Variants in NIPBL observed in about 807,000 individuals in gnomAD.
NIPBL encodes the protein NIPBL cohesin loading factor, also known as nipped-B-like protein.
NIPBL carries 19 observed loss-of-function variants against 321.8 expected under a neutral mutation model. That is an observed-to-expected ratio of 0.06 (90% CI 0.04 to 0.09). NIPBL has a LOEUF of 0.09. Among genes scored for constraint, NIPBL ranks in the 10% least tolerant of loss-of-function variants. The pLI is 1.00. For synonymous variants in NIPBL, 1,106 were observed against 1,114.1 expected (o/e 0.99, Z 0.14); for missense variants, 2,210 against 3,327.0 (o/e 0.66, Z 8.26).
chr5:36,974,820 TA>T (rs892176751), intron 8 of NIPBL, among the ~76,000 whole-genome samples: 7 of 152,102 alleles, frequency 4.6e-5, no homozygotes, highest in South Asian at 2.1e-4. Context: ...GTTCTGTCTG[TA>T]AAAAAACTTT....
chr5:37,046,368 C>T (rs1428982163), intron 38 of NIPBL, among the ~76,000 whole-genome samples, 169 bp downstream of exon 38: 2 of 152,172 alleles, frequency 1.3e-5, no homozygotes, highest in East Asian at 1.9e-4. Flanking sequence ...GCATTCTTGT[C>T]ATGGCCATTG....
chr5:36,930,595 A>G (rs997789144), intron 1 of NIPBL, among the ~76,000 whole-genome samples: 4 of 152,092 alleles, frequency 2.6e-5, no homozygotes, highest in Non-Finnish European at 5.9e-5. Context: ...GTACTAACTA[A>G]AACCTACAGG....
Position 37,000,386 on chromosome 5 carries a change from A to G in NIPBL, c.3318A>G (p.Arg1106=), listed in dbSNP as rs1240297882. The part of the protein sequence containing the change: ...SDEAFESSRK[R]HKKDDDKAWE... ...ATTTGCTTCTAGCCTCTAGGAAACG[A>G]CATAAAAAAGATGATGATAAAGCTT... is the stretch of plus-strand genomic sequence containing the variant. Residue 1106 remains arginine (R), a synonymous_variant, in exon 12 of 47, where the codon CGA becomes CGG. Transcript: ENST00000282516. 1.6e-5 allele frequency: 25 copies of G among 1,612,840 alleles called. No homozygotes were observed. The highest frequency in any genetic ancestry group is 2.0e-5 in the Non-Finnish European group (24 of 1,179,184).
intron 27 of NIPBL, 70 bp downstream of exon 27, chr5:37,020,947 A>G: frequency 2.0e-6 from 2 of 1,021,406 alleles, no homozygotes; most frequent in South Asian, 2.5e-5. Flanking sequence ...TGAGCAGTAT[A>G]TAATATCATT....
At chr5:37,033,730 A>T (rs11749373) in intron 32 of NIPBL, among the ~76,000 whole-genome samples, 2,154 of 21,478 alleles carry the variant, frequency 0.1, 241 homozygotes, top group East Asian at 0.12. Flanking sequence ...ATATATATAT[A>T]TTTTTTTTTT....
intron 1 of NIPBL, among the ~76,000 whole-genome samples, chr5:36,931,337 A>G (rs545921334): frequency 1.3e-3 from 190 of 151,770 alleles, no homozygotes; most frequent in Non-Finnish European, 2.1e-3. Context: ...TATTTTTTTG[A>G]AAAGGAGTCT....
chr5:37,041,143 T>A (rs1005538211), intron 34 of NIPBL, among the ~76,000 whole-genome samples: 1 of 151,792 alleles, frequency 6.6e-6, no homozygotes, highest in African/African-American at 2.4e-5. Flanking sequence ...GTTTCCATCT[T>A]TCTTTAAATT....
In NIPBL at chr5:36,985,683, G is replaced by A. The variant is rs1744699926; in HGVS notation, c.2503G>A (p.Gly835Arg). ...DDRGESERHRGDQSRVRRPET... is the reference protein window; with the variant it reads ...DDRGESERHRRDQSRVRRPET... ...CAGGGGTGAATCAGAGCGACATCGA[G>A]GGGATCAGTCTAGGGTTCGAAGACC... The change falls in exon 10 of 47, where the codon GGG (glycine) becomes AGG (arginine). Residue 835 changes from glycine to arginine, a missense_variant. This residue lies in a region of NIPBL where 588 missense variants were observed against 564.1 expected (regional missense o/e 1.04). Transcript: ENST00000282516. 1 of 1,613,762 alleles carries A rather than the reference G, an allele frequency of 6.2e-7. No individual in the cohort carries two copies. Among genetic ancestry groups the A allele is most frequent in the African/African-American group, 1.3e-5 (1 of 74,886 alleles).
At chr5:37,022,978 A>G (rs972350400) in intron 29 of NIPBL, among the ~76,000 whole-genome samples, 1 of 152,252 alleles carries the variant, frequency 6.6e-6, no homozygotes, top group African/African-American at 2.4e-5. Flanking sequence ...AAACATTGGC[A>G]TTAGGAAATA....
At chr5:36,938,191 A>T (rs892090825) in intron 1 of NIPBL, among the ~76,000 whole-genome samples, 2 of 152,138 alleles carry the variant, frequency 1.3e-5, no homozygotes, top group Non-Finnish European at 2.9e-5. Flanking sequence ...ATTGTCTCCA[A>T]AAGACCATGT....
intron 20 of NIPBL, among the ~76,000 whole-genome samples, chr5:37,009,002 T>C (rs1747769861): frequency 6.6e-6 from 1 of 152,186 alleles, no homozygotes. Context: ...TGCATAGCTG[T>C]CTAGTGGAAT....
intron 10 of NIPBL, among the ~76,000 whole-genome samples, chr5:36,992,358 A>T (rs1334964154): frequency 2.0e-5 from 3 of 152,236 alleles, no homozygotes; most frequent in African/African-American, 7.2e-5. Context: ...CCTAAAATAC[A>T]TCATCATATA....
At chr5:36,962,634 A>T (rs1741758983) in intron 6 of NIPBL, among the ~76,000 whole-genome samples, 1 of 152,236 alleles carries the variant, frequency 6.6e-6, no homozygotes. Context: ...AAGTAGATAC[A>T]GTCAGCCTTT....
intron 3 of NIPBL, 28 bp downstream of exon 3, chr5:36,955,665 A>C (rs768680244): frequency 6.2e-7 from 1 of 1,600,146 alleles, no homozygotes; most frequent in South Asian, 1.1e-5. Flanking sequence ...TATATCTACT[A>C]TAAGTGAAAA....
chr5:37,012,603 G>GCGGCCTTC (rs1366863763), intron 21 of NIPBL, among the ~76,000 whole-genome samples: 2 of 152,120 alleles, frequency 1.3e-5, no homozygotes, highest in East Asian at 1.9e-4. Flanking sequence ...AGAGGACCCT[G>GCGGCCTTC]CGGCCTTCCG....
rs531157761 is a variant in NIPBL at position 36,910,964 on chromosome 5, G to T, written c.-80+33786G>T. Among the ~76,000 whole-genome samples the T allele has an allele frequency of 2.0e-5, 3 of 152,282 alleles. No individual in the cohort carries two copies. The South Asian group carries it at 6.2e-4, about 32-fold the overall frequency. ...CTGCTCTTTTTCTAATATCTGTTAA[G>T]TTTGGGGCTATTTTATTCCATGTCT... On this transcript the variant is annotated intron_variant, in intron 1 of 46. Coordinates refer to ENST00000282516, the MANE Select transcript of NIPBL (RefSeq NM_133433.4).
At chr5:37,008,469 G>A (rs1747703916) in intron 19 of NIPBL, among the ~76,000 whole-genome samples, 154 bp from the exon 20 acceptor site, 1 of 152,046 alleles carries the variant, frequency 6.6e-6, no homozygotes, top group Non-Finnish European at 1.5e-5. Flanking sequence ...CTATAAGAAT[G>A]TTATAATTAA....
chr5:36,912,502 T>G (rs1748122073), intron 1 of NIPBL, among the ~76,000 whole-genome samples: 1 of 128,590 alleles, frequency 7.8e-6, no homozygotes, highest in African/African-American at 3.2e-5. Context: ...GTATTACTGA[T>G]TTTTTTTTTT....
Position 36,985,785 on chromosome 5 carries a change from A to C in NIPBL, c.2605A>C (p.Lys869Gln). ...TTCAAAAACTGATAAACTAGAACGA[A>C]AACACAGGCATGAATCAGGGGACTC... ...DSSKTDKLER[K>Q]HRHESGDSRE... Residue 869 changes from lysine to glutamine, a missense_variant, in exon 10 of 47, where the codon AAA becomes CAA. Physicochemically the swap from Lys to Gln is moderately conservative, Grantham distance 53. This residue lies in a region of NIPBL where 588 missense variants were observed against 564.1 expected (regional missense o/e 1.04). Coordinates refer to ENST00000282516, the MANE Select transcript of NIPBL (RefSeq NM_133433.4). 6.2e-7 allele frequency: 1 copy of C among 1,613,972 alleles called. No homozygotes were observed. The highest frequency in any genetic ancestry group is 1.3e-5 in the African/African-American group (1 of 75,036).
Sources: allele counts gnomAD v4.1 joint callset (sites outside exome capture counted in the v4.1 genomes callset), GRCh38; gene constraint gnomAD v4.1.1; regional missense constraint gnomAD v4.1.1; transcripts MANE v1.5; gene names NCBI Gene and HGNC (gene_info 2026-07-23, HGNC 2026-07-21).